The following NRXN3 variants were observed in gnomAD, a reference collection of about 807,000 sequenced individuals.
NRXN3 encodes the protein neurexin III.
Under a neutral mutation model 137.6 loss-of-function variants are expected in NRXN3, and 32 were observed. That is an observed-to-expected ratio of 0.23 (90% CI 0.18 to 0.31). The LOEUF (loss-of-function observed/expected upper bound fraction) is 0.31. NRXN3 is among the 10% of genes least tolerant of loss of function. The probability of loss-of-function intolerance (pLI) is 1.00; values close to 1 mark genes in which losing one functional copy is unlikely to be tolerated. For synonymous variants in NRXN3, 798 were observed against 784.5 expected, an observed-to-expected ratio of 1.02 and a Z score of -0.29; for missense variants, 1,574 against 2,062.5, an observed-to-expected ratio of 0.76 and a Z score of 4.59.
At chr14:79,853,974 A>T (rs1603619924) in intron 20 of NRXN3, 1 of 945,990 alleles carries the variant, frequency 1.1e-6, no homozygotes, top group Non-Finnish European at 1.3e-6. Flanking sequence ...TAAAGTGCAG[A>T]TTTTTTTTTT....
intron 16 of NRXN3, among the ~76,000 whole-genome samples, chr14:79,579,320 G>A (rs942495351): frequency 2.1e-5 from 3 of 143,410 alleles, no homozygotes; most frequent in Admixed American, 7.0e-5. Flanking sequence ...AAGCAAATGT[G>A]TACGTATGTG....
chr14:79,602,322 C>G (rs767777227), intron 16 of NRXN3, among the ~76,000 whole-genome samples: 10 of 152,172 alleles, frequency 6.6e-5, no homozygotes, highest in Non-Finnish European at 1.3e-4. Flanking sequence ...TTTTATAGCT[C>G]CAAGAGAGTT....
intron 4 of NRXN3, among the ~76,000 whole-genome samples, chr14:78,440,887 GT>G (rs2094222098): frequency 6.6e-6 from 1 of 152,302 alleles, no homozygotes; most frequent in East Asian, 1.9e-4. Flanking sequence ...TTTTCTTGGT[GT>G]TTGTACAAAT....
rs573777400 is a variant in NRXN3, at chr14:79,687,065, C to A, written c.3617-5108C>A. Among the ~76,000 whole-genome samples, 3 of 152,312 alleles carry A rather than the reference C, an allele frequency of 2.0e-5. No homozygotes were observed. In the South Asian group the frequency reaches 6.2e-4, roughly 32 times the overall value. ...AGACATTAATTTCTTTACCTTGGCA[C>A]ATTAAAGGATCAAAGCTCACAACAT... is the stretch of plus-strand genomic sequence containing the variant. On this transcript the variant is annotated intron_variant, in intron 17 of 20. Coordinates refer to ENST00000335750, the MANE Select transcript of NRXN3 (RefSeq NM_001330195.2).
At chr14:79,621,323 G>A (rs1389022233) in intron 16 of NRXN3, among the ~76,000 whole-genome samples, 1 of 152,154 alleles carries the variant, frequency 6.6e-6, no homozygotes, top group East Asian at 1.9e-4. Context: ...TTTCAAAGAG[G>A]TAAGTGTCAA....
chr14:78,605,286 A>C (rs2097240033), intron 4 of NRXN3, among the ~76,000 whole-genome samples: 1 of 152,214 alleles, frequency 6.6e-6, no homozygotes, highest in South Asian at 2.1e-4. Flanking sequence ...GTATCTTGAC[A>C]TCTAACTGTA....
intron 4 of NRXN3, among the ~76,000 whole-genome samples, chr14:78,584,934 T>A (rs2097046173): frequency 6.6e-6 from 1 of 152,176 alleles, no homozygotes; most frequent in Non-Finnish European, 1.5e-5. Context: ...ATTTCTTTAT[T>A]TTAAAGAATG....
intron 4 of NRXN3, among the ~76,000 whole-genome samples, chr14:78,504,083 C>T (rs1484000573): frequency 6.6e-6 from 1 of 152,078 alleles, no homozygotes; most frequent in African/African-American, 2.4e-5. Flanking sequence ...ATAGGAATTG[C>T]TAAGAGGGGA....
chr14:78,476,199 C>T (rs951182726), intron 4 of NRXN3, among the ~76,000 whole-genome samples: 3 of 152,132 alleles, frequency 2.0e-5, no homozygotes, highest in African/African-American at 7.2e-5. Context: ...TTTCACAGTG[C>T]CTAATTTTTT....
intron 6 of NRXN3, among the ~76,000 whole-genome samples, chr14:78,701,128 T>TAAG (rs2098274077): frequency 2.0e-5 from 3 of 152,222 alleles, no homozygotes; most frequent in Non-Finnish European, 2.9e-5. Context: ...ATCAGCCATT[T>TAAG]AAGTGGAATA....
intron 15 of NRXN3, among the ~76,000 whole-genome samples, chr14:79,257,552 G>A (rs1159418806): frequency 1.5e-4 from 16 of 103,438 alleles, no homozygotes; most frequent in Admixed American, 3.0e-4. Flanking sequence ...TGGTGGTGGT[G>A]GTGGTGATGG....
chr14:78,787,205 C>A (rs905761754), intron 8 of NRXN3, among the ~76,000 whole-genome samples: 1 of 152,086 alleles, frequency 6.6e-6, no homozygotes, highest in Non-Finnish European at 1.5e-5. Flanking sequence ...GTTGAACTGG[C>A]ACATTGTGAA....
intron 4 of NRXN3, among the ~76,000 whole-genome samples, chr14:78,359,044 A>C (rs2084735002): frequency 6.6e-6 from 1 of 152,192 alleles, no homozygotes; most frequent in African/African-American, 2.4e-5. Flanking sequence ...GTTTATGGGC[A>C]TAGGTAGGTG....
At chr14:79,580,477 T>C (rs1216857935) in intron 16 of NRXN3, among the ~76,000 whole-genome samples, 1 of 151,780 alleles carries the variant, frequency 6.6e-6, no homozygotes, top group Admixed American at 6.6e-5. Flanking sequence ...TTGTGAGCTA[T>C]GAAACTTGCC....
At chr14:78,865,735 A>T (rs2099085111) in intron 10 of NRXN3, among the ~76,000 whole-genome samples, 1 of 152,216 alleles carries the variant, frequency 6.6e-6, no homozygotes, top group Non-Finnish European at 1.5e-5. Context: ...TAAACAAAAG[A>T]GACCATGGTT....
At chr14:78,232,686 C>A (rs2065610076) in intron 1 of NRXN3, among the ~76,000 whole-genome samples, 1 of 152,166 alleles carries the variant, frequency 6.6e-6, no homozygotes, top group Admixed American at 6.5e-5. Context: ...TTCCCTATCC[C>A]CTCATGTAAA....
At chr14:79,774,822 G>A (rs11628403) in intron 19 of NRXN3, among the ~76,000 whole-genome samples, 18,593 of 152,052 alleles carry the variant, frequency 0.12, 1,334 homozygotes, top group Middle Eastern at 0.22. Context: ...TCTCTATTTT[G>A]TTATATGACA....
intron 15 of NRXN3, among the ~76,000 whole-genome samples, chr14:79,165,876 C>A (rs1378710688): frequency 6.6e-6 from 1 of 151,978 alleles, no homozygotes; most frequent in Admixed American, 6.6e-5. Context: ...GACTGCTGAT[C>A]CGTGCCTGAT....
At position 78,308,992 on chromosome 14, in the gene NRXN3, T is replaced by C. The variant is rs76174166; in HGVS notation, c.757+11132T>C. ...GAGTTTTGTGGTCCAGTATTTTACC[T>C]ATAATGGCTTGTGTGCTATGAAGTT... On this transcript the variant is annotated intron_variant, in intron 4 of 20. Coordinates refer to ENST00000335750, the MANE Select transcript of NRXN3 (RefSeq NM_001330195.2). Among the ~76,000 whole-genome samples the C allele has an allele frequency of 8.1e-3, 1,234 of 152,268 alleles. 16 individuals carry two copies. Among genetic ancestry groups the C allele is most frequent in the African/African-American group, 0.023 (975 of 41,560 alleles).
Sources: allele counts gnomAD v4.1 joint callset (sites outside exome capture counted in the v4.1 genomes callset), GRCh38; gene constraint gnomAD v4.1.1; transcripts MANE v1.5; gene names NCBI Gene and HGNC (gene_info 2026-07-23, HGNC 2026-07-21).